TNS1: variants seen among roughly 807,000 people sequenced by gnomAD.
TNS1 encodes tensin-1.
TNS1 carries 62 observed loss-of-function variants against 168.6 expected under a neutral mutation model. The ratio of observed to expected loss-of-function variants is 0.37; its 90% CI spans 0.30 to 0.45. The LOEUF (loss-of-function observed/expected upper bound fraction) is 0.45. Ranked by LOEUF, TNS1 falls within the 20% of genes least tolerant of loss-of-function variation. TNS1 has a pLI of 1.00. For missense variants in TNS1, 2,240 were observed against 2,339.4 expected (o/e 0.96, Z 0.88); for synonymous variants, 934 against 933.2 (o/e 1.00, Z -0.02).
At position 217,995,970 on chromosome 2, in the gene TNS1, C is replaced by T. The variant is rs566753335; in HGVS notation, c.34-4914G>A. On this transcript the variant is annotated intron_variant, in intron 1 of 32. Transcript: ENST00000682258. The surrounding 1 kb of genome is among the most constrained non-coding windows in gnomAD (Gnocchi z 4.1). Reference sequence around the variant, plus strand: ...TTCCATGCAGCCCAGCTTTCCTGCCCGGGCCGCTCAGCCAGAGGGGTGTGG... The same window carrying T: ...TTCCATGCAGCCCAGCTTTCCTGCCTGGGCCGCTCAGCCAGAGGGGTGTGG... Among the ~76,000 whole-genome samples the T allele has an allele frequency of 5.4e-4, 82 of 152,332 alleles. No individual in the cohort carries two copies. Among genetic ancestry groups the T allele is most frequent in the Non-Finnish European group, 9.7e-4 (66 of 68,030 alleles).
At chr2:217,937,504 C>T (rs1296932795) in intron 3 of TNS1, among the ~76,000 whole-genome samples, 1 of 152,124 alleles carries the variant, frequency 6.6e-6, no homozygotes, top group Admixed American at 6.5e-5. Flanking sequence ...GCCCCTCTCA[C>T]TCAACCAGCT....
intron 3 of TNS1, among the ~76,000 whole-genome samples, chr2:217,956,708 C>T (rs977185702): frequency 6.6e-6 from 1 of 152,162 alleles, no homozygotes; most frequent in Non-Finnish European, 1.5e-5. Context: ...CTGGGCAGCT[C>T]AGTCAATGAG....
chr2:217,906,704 G>A (rs1953750286), intron 5 of TNS1, among the ~76,000 whole-genome samples: 1 of 152,036 alleles, frequency 6.6e-6, no homozygotes, highest in East Asian at 1.9e-4. Flanking sequence ...GATTTGAACC[G>A]AAGTCCTTCA....
intron 3 of TNS1, among the ~76,000 whole-genome samples, chr2:217,959,567 A>T (rs1052214645): frequency 2.6e-5 from 4 of 151,930 alleles, no homozygotes; most frequent in Non-Finnish European, 5.9e-5. Flanking sequence ...GAACCTTAGC[A>T]TGGAACCCTA....
chr2:217,816,566 G>C (rs985096599), intron 24 of TNS1, among the ~76,000 whole-genome samples: 2 of 152,190 alleles, frequency 1.3e-5, no homozygotes, highest in African/African-American at 4.8e-5. Flanking sequence ...TTCTCTGTCT[G>C]AAGCCCCAGG....
intron 4 of TNS1, among the ~76,000 whole-genome samples, chr2:217,907,656 G>C (rs1195294006): frequency 6.6e-6 from 1 of 152,196 alleles, no homozygotes; most frequent in Non-Finnish European, 1.5e-5. Context: ...AAATGACTGA[G>C]CCAACATCAT....
Position 218,032,585 on chromosome 2 carries a change from C to T in TNS1, c.156+1235G>A, listed in dbSNP as rs1958906603. Reference sequence around the variant, plus strand: ...GCAGGCAGCCCAGATGTCTGGGTAGCCACTGACTCTTGGCTTTTGAGGGGA... The same window carrying T: ...GCAGGCAGCCCAGATGTCTGGGTAGTCACTGACTCTTGGCTTTTGAGGGGA... On this transcript the variant is annotated intron_variant, in intron 1 of 1. Coordinates refer to the TNS1 transcript ENST00000649572. The surrounding 1 kb of genome is among the most constrained non-coding windows in gnomAD (Gnocchi z 4.0). Among the ~76,000 whole-genome samples the T allele has an allele frequency of 6.6e-6, 1 of 152,148 alleles. No individual in the cohort carries two copies. The highest frequency in any genetic ancestry group is 2.1e-4 in the South Asian group (1 of 4,832).
intron 32 of TNS1, 93 bp downstream of exon 32, chr2:217,807,982 C>T (rs1939505618): frequency 6.8e-7 from 1 of 1,476,090 alleles, no homozygotes; most frequent in African/African-American, 1.4e-5. Flanking sequence ...TCTTTCCCTA[C>T]CCCCAGCCCT....
intron 1 of TNS1, among the ~76,000 whole-genome samples, chr2:218,028,245 C>G (rs1313456200): frequency 6.6e-6 from 1 of 152,180 alleles, no homozygotes; most frequent in Non-Finnish European, 1.5e-5. Context: ...CTTACTCCAC[C>G]CCCCATTCCC....
At chr2:217,877,934 GAAT>G (rs1950333107) in intron 18 of TNS1, among the ~76,000 whole-genome samples, 1 of 152,182 alleles carries the variant, frequency 6.6e-6, no homozygotes, top group Non-Finnish European at 1.5e-5. Context: ...GCTCCAGAGG[GAAT>G]GGTCTGGCCT....
At chr2:217,821,295 G>A (rs536639229) in intron 23 of TNS1, among the ~76,000 whole-genome samples, 1 of 152,246 alleles carries the variant, frequency 6.6e-6, no homozygotes, top group South Asian at 2.1e-4. Context: ...TATGCCTCAG[G>A]TTCCTCTTCT....
Position 217,852,773 on chromosome 2 carries a change from T to C in TNS1, c.1430-3686A>G, listed in dbSNP as rs529404200. 1.7e-3 allele frequency among the ~76,000 whole-genome samples: 256 copies of C among 152,286 alleles called. 4 individuals carry two copies. Among genetic ancestry groups the C allele is most frequent in the African/African-American group, 5.8e-3 (241 of 41,564 alleles). On this transcript the variant is annotated intron_variant, in intron 18 of 32. Transcript: ENST00000682258. ...GCAGCAACAACATCAGGAACAATCATAGCCAAGCCACTAAGGCATAGTAAG... is the reference window on the plus strand; with the variant it reads ...GCAGCAACAACATCAGGAACAATCACAGCCAAGCCACTAAGGCATAGTAAG...
chr2:217,906,042 C>A (rs111728465), intron 6 of TNS1, among the ~76,000 whole-genome samples: 139 of 152,314 alleles, frequency 9.1e-4, no homozygotes, highest in Middle Eastern at 6.8e-3. Flanking sequence ...TGCGCATTTC[C>A]CCTTGATCCC....
intron 14 of TNS1, 57 bp downstream of exon 14, chr2:217,885,987 G>A: frequency 6.3e-7 from 1 of 1,597,436 alleles, no homozygotes; most frequent in Non-Finnish European, 8.6e-7. Flanking sequence ...CTTCTGACCT[G>A]GTCCTTAGCC....
At chr2:217,899,975 C>T (rs775503258) in intron 7 of TNS1, among the ~76,000 whole-genome samples, 13 of 152,204 alleles carry the variant, frequency 8.5e-5, no homozygotes, top group Admixed American at 2.0e-4. Context: ...TTGTGCATCC[C>T]CTTCCCCCGG....
At chr2:217,990,040 GTCACACACCCTCAGCACACATCAT>G (rs1958316595) in intron 2 of TNS1, among the ~76,000 whole-genome samples, 1 of 97,556 alleles carries the variant, frequency 1.0e-5, no homozygotes, top group African/African-American at 4.1e-5. Flanking sequence ...CCACACACCA[GTCACACACCCTCAGCACACATCAT>G]CCACACGCCA....
chr2:217,939,642 A>G (rs1956808929), intron 3 of TNS1, among the ~76,000 whole-genome samples: 1 of 151,684 alleles, frequency 6.6e-6, no homozygotes, highest in South Asian at 2.1e-4. Flanking sequence ...CATTCCTGTG[A>G]CCCCTGACCC....
At chr2:217,896,521 C>T (rs1312071044) in intron 8 of TNS1, among the ~76,000 whole-genome samples, 1 of 152,204 alleles carries the variant, frequency 6.6e-6, no homozygotes, top group Non-Finnish European at 1.5e-5. Context: ...AGGAATCCCA[C>T]CGCAAGCTAG....
intron 32 of TNS1, among the ~76,000 whole-genome samples, chr2:217,805,527 A>AC (rs1938572484): frequency 4.1e-4 from 11 of 26,608 alleles, no homozygotes; most frequent in Non-Finnish European, 4.2e-4. Context: ...CACACACACC[A>AC]CACACACCAC....
Sources: gnomAD v4.1 joint callset for allele counts (sites outside exome capture counted in the v4.1 genomes callset) on GRCh38, gnomAD v4.1.1 for gene constraint, Gnocchi (gnomAD v3.1) non-coding constraint, MANE v1.5 for transcripts, NCBI Gene and HGNC (gene_info 2026-07-23, HGNC 2026-07-21) for gene names.